Variants in TGFBI observed in about 807,000 individuals in gnomAD.
TGFBI encodes the protein transforming growth factor beta induced.
A neutral mutation model predicts 73.7 loss-of-function variants in TGFBI; 50 were observed. The ratio of observed to expected loss-of-function variants is 0.68; its 90% confidence interval spans 0.54 to 0.86. TGFBI has a LOEUF of 0.86. Among genes scored for constraint, TGFBI ranks in the 40% least tolerant of loss-of-function variants. The probability of loss-of-function intolerance (pLI) is 0.00; values close to 1 mark genes in which losing one functional copy is unlikely to be tolerated. For missense variants in TGFBI, 839 were observed against 877.0 expected, an observed-to-expected ratio of 0.96 and a Z score of 0.55; for synonymous variants, 362 against 360.5, an observed-to-expected ratio of 1.00 and a Z score of -0.05.
chr5:136,063,603 G>T lies in TGFBI; in HGVS notation c.*377G>T. 1 of 215,912 alleles carries T rather than the reference G, an allele frequency of 4.6e-6. No homozygotes were observed. Among genetic ancestry groups the T allele is most frequent in the East Asian group, 1.2e-4 (1 of 8,494 alleles). The allele number at this position is 215,912 out of a possible 1,614,324, so 13.4% of individuals were successfully genotyped here. A position where few individuals can be genotyped will look rare whatever the true frequency, so the allele number is the denominator to read the frequency against. On this transcript the variant is annotated 3_prime_UTR_variant, in exon 17 of 17. Transcript: ENST00000442011. ...GCAATCCAGCCTCATGGGAAGTCCTGGCACAGTTTTTGTAAAGCCCTTGCA... is the reference window on the plus strand; with the variant it reads ...GCAATCCAGCCTCATGGGAAGTCCTTGCACAGTTTTTGTAAAGCCCTTGCA...
intron 6 of TGFBI, 124 bp downstream of exon 6, chr5:136,047,544 C>A: frequency 8.9e-7 from 1 of 1,127,000 alleles, no homozygotes; most frequent in Non-Finnish European, 1.3e-6. Flanking sequence ...AGAGCAGGTT[C>A]CCCTGAATGC....
At chr5:136,060,557 A>G (rs1751729514) in intron 13 of TGFBI, among the ~76,000 whole-genome samples, 1 of 152,162 alleles carries the variant, frequency 6.6e-6, no homozygotes, top group Admixed American at 6.5e-5. Context: ...CTAAAAATAC[A>G]AAATTAGCTG....
At chr5:136,056,832 A>G (rs1324478993) in intron 12 of TGFBI, 37 bp downstream of exon 12, 2 of 1,581,576 alleles carry the variant, frequency 1.3e-6, no homozygotes, top group Non-Finnish European at 1.7e-6. Context: ...CCATTTTTCT[A>G]AAGTAGTGAT....
chr5:136,051,041 A>C (rs2237070), intron 7 of TGFBI, among the ~76,000 whole-genome samples: 1 of 152,068 alleles, frequency 6.6e-6, no homozygotes, highest in African/African-American at 2.4e-5. Flanking sequence ...GAGGGCGGGC[A>C]TTGGGACACA....
In TGFBI at chr5:136,054,739, C is replaced by T. The variant is rs771481430; in HGVS notation, c.1288C>T (p.His430Tyr). The change falls in exon 10 of 17, where the codon CAT becomes TAT. Residue 430 changes from histidine (H) to tyrosine (Y), a missense_variant. Coordinates refer to ENST00000442011, the MANE Select transcript of TGFBI (RefSeq NM_000358.3). ...AGATGGAACCCCTCCAATTGATGCC[C>T]ATACAAGGAATTTGCTTCGGAACCA... ...FKDGTPPIDA[H>Y]TRNLLRNHII... The T allele has an allele frequency of 1.1e-5, 17 of 1,613,842 alleles. No individual in the cohort carries two copies. The highest frequency in any genetic ancestry group is 3.3e-4 in the Middle Eastern group (2 of 6,084).
At chr5:136,036,951 G>A (rs1457942291) in intron 2 of TGFBI, among the ~76,000 whole-genome samples, 3 of 152,214 alleles carry the variant, frequency 2.0e-5, no homozygotes, top group African/African-American at 2.4e-5. Flanking sequence ...AGCAGACAAC[G>A]GGTACCAAGC....
intron 11 of TGFBI, 24 bp from the exon 12 acceptor site, chr5:136,056,641 C>A (rs778698555): frequency 9.9e-6 from 16 of 1,613,536 alleles, no homozygotes; most frequent in Middle Eastern, 1.7e-4. Context: ...TGACAGGTGA[C>A]ATTTTCTGTG....
At chr5:136,033,206 G>A (rs1580707588) in intron 1 of TGFBI, among the ~76,000 whole-genome samples, 2 of 152,308 alleles carry the variant, frequency 1.3e-5, no homozygotes, top group South Asian at 4.1e-4. Flanking sequence ...TCAGAGGATG[G>A]GAAGCAGCAT....
chr5:136,055,325 C>T (rs1317903476), intron 10 of TGFBI: 1 of 222,720 alleles, frequency 4.5e-6, no homozygotes, highest in African/African-American at 2.3e-5. Context: ...CTGGGACCAA[C>T]CAGCACCATT....
chr5:136,029,274 C>G, intron 1 of TGFBI, 85 bp downstream of exon 1: 2 of 1,354,020 alleles, frequency 1.5e-6, no homozygotes, highest in Non-Finnish European at 1.9e-6. Flanking sequence ...TTGAACTGGG[C>G]TGGGGGCGCA....
chr5:136,039,983 G>A (rs1351191842), intron 2 of TGFBI, among the ~76,000 whole-genome samples: 10 of 152,254 alleles, frequency 6.6e-5, no homozygotes, highest in Non-Finnish European at 1.3e-4. Context: ...TTTACCTTCA[G>A]TCACAGGTGA....
At chr5:136,061,449 A>T (rs1751745615) in intron 14 of TGFBI, 51 bp from the exon 15 acceptor site, 1 of 1,358,798 alleles carries the variant, frequency 7.4e-7, no homozygotes, top group Admixed American at 1.9e-5. Flanking sequence ...GTTATGAATG[A>T]CATGCTAATG....
intron 11 of TGFBI, among the ~76,000 whole-genome samples, chr5:136,056,089 A>G (rs999310756): frequency 6.6e-6 from 1 of 152,192 alleles, no homozygotes; most frequent in Non-Finnish European, 1.5e-5. Context: ...AAGTGCAAGG[A>G]AAACATCACC....
intron 1 of TGFBI, among the ~76,000 whole-genome samples, chr5:136,033,426 C>T (rs1424433796): frequency 6.6e-6 from 1 of 152,122 alleles, no homozygotes; most frequent in African/African-American, 2.4e-5. Context: ...CTGGTCCAGG[C>T]ATGCAGAGCA....
rs778852129 is a variant in TGFBI at position 136,054,029 on chromosome 5, T to C, written c.1213T>C (p.Ser405Pro). The change falls in exon 9 of 17, where the codon TCT (serine) becomes CCT (proline). Residue 405 changes from serine (S) to proline (P), a missense_variant. Ser to Pro is a moderately conservative substitution (Grantham distance 74, BLOSUM62 -1). Coordinates refer to ENST00000442011, the MANE Select transcript of TGFBI (RefSeq NM_000358.3). The stretch of plus-strand genomic sequence containing the variant: ...ACAAGCCGGCCTCGGCAATCATCTC[T>C]CTGGAAGTGAGCGGTTGACCCTCCT... Reference protein sequence around the residue: ...FRQAGLGNHLSGSERLTLLAP... With the variant: ...FRQAGLGNHLPGSERLTLLAP... 6.2e-7 allele frequency: 1 copy of C among 1,613,988 alleles called. No homozygotes were observed. Among genetic ancestry groups the C allele is most frequent in the South Asian group, 1.1e-5 (1 of 91,084 alleles).
intron 13 of TGFBI, 29 bp downstream of exon 13, chr5:136,059,243 T>C: frequency 5.0e-6 from 8 of 1,605,094 alleles, no homozygotes; most frequent in Non-Finnish European, 6.8e-6. Flanking sequence ...AAAGGCTGGC[T>C]AAATTTCCCC....
At chr5:136,060,480 G>A (rs1024383138) in intron 13 of TGFBI, among the ~76,000 whole-genome samples, 1 of 152,222 alleles carries the variant, frequency 6.6e-6, no homozygotes, top group African/African-American at 2.4e-5. Context: ...GGAGGCCAAA[G>A]TGGGCGGATC....
intron 7 of TGFBI, among the ~76,000 whole-genome samples, chr5:136,051,873 G>T (rs1436726090): frequency 6.6e-6 from 1 of 152,204 alleles, no homozygotes; most frequent in Non-Finnish European, 1.5e-5. Context: ...GCCAGCACGG[G>T]CTTCCAAGGC....
chr5:136,063,497 C>T lies in TGFBI; in HGVS notation c.*271C>T, dbSNP rs1804507. ...ACATTCACTTCCAGAGAGGACCTAT[C>T]CCAAATGTGGAATTGACTGCCTATG... On this transcript the variant is annotated 3_prime_UTR_variant, in exon 17 of 17. Coordinates refer to ENST00000442011, the MANE Select transcript of TGFBI (RefSeq NM_000358.3). The T allele has an allele frequency of 2.3e-6, 1 of 441,578 alleles. No individual in the cohort carries two copies. The highest frequency in any genetic ancestry group is 2.0e-5 in the African/African-American group (1 of 50,598). The allele number at this position is 441,578 out of a possible 1,614,324, so 27.4% of individuals were successfully genotyped here.
Sources: gnomAD v4.1 joint callset for allele counts (sites outside exome capture counted in the v4.1 genomes callset) on GRCh38, gnomAD v4.1.1 for gene constraint, MANE v1.5 for transcripts, NCBI Gene and HGNC (gene_info 2026-07-23, HGNC 2026-07-21) for gene names.